The following ZNF831 variants were observed in gnomAD, a reference collection of about 807,000 sequenced individuals.
ZNF831 encodes the protein zinc finger protein 831.
A neutral mutation model predicts 95.8 loss-of-function variants in ZNF831; 59 were observed. The ratio of observed to expected loss-of-function variants is 0.62; its 90% CI spans 0.50 to 0.77. The LOEUF (loss-of-function observed/expected upper bound fraction) is 0.77, where lower values mean the gene tolerates loss of function less well. Ranked by LOEUF, ZNF831 falls within the 30% of genes least tolerant of loss-of-function variation. The pLI is 0.00. For missense variants in ZNF831, 2,205 were observed against 2,164.0 expected (o/e 1.02, Z -0.38); for synonymous variants, 961 against 925.5 (o/e 1.04, Z -0.70).
In ZNF831 at chr20:59,192,387, C is replaced by T. The variant is rs1408983326; in HGVS notation, c.1368C>T (p.Ile456=). The T allele has an allele frequency of 6.2e-7, 1 of 1,612,154 alleles. No individual in the cohort carries two copies. Among genetic ancestry groups the T allele is most frequent in the South Asian group, 1.1e-5 (1 of 90,922 alleles). ...ACAAGGACTCCTTCCACTTTGACAT[C>T]CGCGCGCTGGAGCCAGGCCGTAGGA... The part of the protein sequence containing the change: ...YTYKDSFHFD[I]RALEPGRRRA... Residue 456 remains isoleucine, a synonymous_variant, in exon 2 of 6, where the codon ATC becomes ATT. Coordinates refer to ENST00000371030, the MANE Select transcript of ZNF831 (RefSeq NM_178457.3). The surrounding 1 kb of genome is among the most constrained non-coding windows in gnomAD (Gnocchi z 5.2).
At chr20:59,249,640 C>G (rs1987787415) in intron 4 of ZNF831, among the ~76,000 whole-genome samples, 1 of 152,064 alleles carries the variant, frequency 6.6e-6, no homozygotes, top group Non-Finnish European at 1.5e-5. Flanking sequence ...ACGGGAGGGT[C>G]AAGAAAGATT....
chr20:59,213,823 G>C (rs1186009075), intron 4 of ZNF831, among the ~76,000 whole-genome samples: 2 of 152,146 alleles, frequency 1.3e-5, no homozygotes, highest in Admixed American at 1.3e-4. Context: ...GTCATCTTAT[G>C]TCACCTCCGT....
In ZNF831 at chr20:59,195,893, G is replaced by T; in HGVS notation, c.3763G>T (p.Val1255Leu). The T allele has an allele frequency of 6.2e-7, 1 of 1,614,186 alleles. No individual in the cohort carries two copies. Residue 1255 changes from valine (V) to leucine (L), a missense_variant, in exon 3 of 6, where the codon GTG becomes TTG. Transcript: ENST00000371030. ...GTTCTCCTACCCAACAGTCCCAGGG[G>T]TGATGCCCCAGCACCAGGTGTCTGA... ...SKFSYPTVPG[V>L]MPQHQVSEPE... is the part of the protein sequence containing the mutation.
rs746807929 is a variant in ZNF831 at position 59,254,312 on chromosome 20, G to A, written c.4603G>A (p.Glu1535Lys). 9.3e-6 allele frequency: 15 copies of A among 1,613,994 alleles called. No individual in the cohort carries two copies. The Admixed American group carries it at 2.2e-4, about 23-fold the overall frequency. ...AAGCTCCCCAGACAGCAAAGTCACAGAAGAGGGCAGAGCACAGACCCTCTT... is the reference window on the plus strand; with the variant it reads ...AAGCTCCCCAGACAGCAAAGTCACAAAAGAGGGCAGAGCACAGACCCTCTT... ...TSSSPDSKVT[E>K]EGRAQTLLPG... is the part of the protein sequence containing the mutation. The change falls in exon 6 of 6, where the codon GAA (glutamate) becomes AAA (lysine). Residue 1535 changes from glutamate (E) to lysine (K), a missense_variant. By Grantham distance (56) the Glu-to-Lys change is moderately conservative (BLOSUM62 1). Coordinates refer to ENST00000371030, the MANE Select transcript of ZNF831 (RefSeq NM_178457.3). The surrounding 1 kb of genome is among the most constrained non-coding windows in gnomAD (Gnocchi z 4.5).
intron 4 of ZNF831, among the ~76,000 whole-genome samples, chr20:59,223,532 C>A (rs1240736754): frequency 2.0e-5 from 3 of 152,270 alleles, no homozygotes; most frequent in Non-Finnish European, 4.4e-5. Flanking sequence ...CGGGAACGGG[C>A]CTCGGAGGAA....
At chr20:59,161,855 T>A (rs1365962790), upstream of ZNF831, among the ~76,000 whole-genome samples, 2 of 152,216 alleles carry the variant, frequency 1.3e-5, no homozygotes, top group African/African-American at 4.8e-5. Context: ...TCCACAGGGG[T>A]TGAACTAATT....
intron 4 of ZNF831, among the ~76,000 whole-genome samples, chr20:59,240,081 G>A (rs1987236094): frequency 6.6e-6 from 1 of 152,134 alleles, no homozygotes; most frequent in African/African-American, 2.4e-5. Flanking sequence ...CTTGGGGAAG[G>A]TTTGTGTATT....
intron 4 of ZNF831, among the ~76,000 whole-genome samples, chr20:59,228,991 C>T (rs1280928770): frequency 6.6e-6 from 1 of 152,134 alleles, no homozygotes; most frequent in African/African-American, 2.4e-5. Context: ...CTCTGTTAAC[C>T]ACCATTCTAC....
At chr20:59,175,246 G>T (rs549408325) in intron 1 of ZNF831, among the ~76,000 whole-genome samples, 1 of 151,150 alleles carries the variant, frequency 6.6e-6, no homozygotes, top group Non-Finnish European at 1.5e-5. Context: ...GGGGTGGGTG[G>T]TTCTCTCAGC....
At chr20:59,237,714 A>T (rs1015384265) in intron 4 of ZNF831, among the ~76,000 whole-genome samples, 21 of 152,074 alleles carry the variant, frequency 1.4e-4, no homozygotes, top group Non-Finnish European at 2.6e-4. Context: ...GATATTTGTG[A>T]GGTGCTCCCC....
chr20:59,226,499 G>A (rs1986440170), intron 4 of ZNF831, among the ~76,000 whole-genome samples: 3 of 151,866 alleles, frequency 2.0e-5, no homozygotes, highest in Admixed American at 2.0e-4. Context: ...AAGAGCCCAA[G>A]TTATATGTAA....
intron 3 of ZNF831, among the ~76,000 whole-genome samples, chr20:59,198,820 G>A (rs1414160318): frequency 6.6e-6 from 1 of 152,152 alleles, no homozygotes; most frequent in Non-Finnish European, 1.5e-5. Context: ...GTTAATTCCA[G>A]CTTCAAGGCC....
chr20:59,129,874 C>T (rs1406003796), intron 1 of ZNF831, among the ~76,000 whole-genome samples: 2 of 152,246 alleles, frequency 1.3e-5, no homozygotes, highest in Admixed American at 6.5e-5. Flanking sequence ...ATGCTCGTTC[C>T]TCCTTCTGGC....
Position 59,192,359 on chromosome 20 carries a change from C to T in ZNF831, c.1340C>T (p.Thr447Ile), listed in dbSNP as rs1178207579. Residue 447 changes from threonine (T) to isoleucine (I), a missense_variant, in exon 2 of 6, where the codon ACC becomes ATC. Physicochemically the swap from Thr to Ile is moderately conservative, Grantham distance 89 (BLOSUM62 -1). Transcript: ENST00000371030. The surrounding 1 kb of genome is among the most constrained non-coding windows in gnomAD (Gnocchi z 5.2). Reference sequence around the variant, plus strand: ...AGCATCGACCTGCCCACGCCCTACACCTACAAGGACTCCTTCCACTTTGAC... The same window carrying T: ...AGCATCGACCTGCCCACGCCCTACATCTACAAGGACTCCTTCCACTTTGAC... ...QGSIDLPTPY[T>I]YKDSFHFDIR... 1 of 1,611,388 alleles carries T rather than the reference C, an allele frequency of 6.2e-7. No homozygotes were observed. The highest frequency in any genetic ancestry group is 8.5e-7 in the Non-Finnish European group (1 of 1,179,138).
chr20:59,171,457 C>G (rs1311016740), intron 1 of ZNF831, among the ~76,000 whole-genome samples: 1 of 152,230 alleles, frequency 6.6e-6, no homozygotes, highest in African/African-American at 2.4e-5. Flanking sequence ...TTTCTTACAA[C>G]AGAATGGCTC....
rs199500498 is a variant in ZNF831, at chr20:59,191,690, C to T, written c.671C>T (p.Pro224Leu). The T allele has an allele frequency of 1.9e-6, 3 of 1,562,882 alleles. No individual in the cohort carries two copies. Among genetic ancestry groups the T allele is most frequent in the Non-Finnish European group, 2.6e-6 (3 of 1,154,070 alleles). ...GAAGGGGACAAGGCCGGAGAGCCCCCCAGACCAGAGGGCAGGGGCGAGAGC... is the reference window on the plus strand; with the variant it reads ...GAAGGGGACAAGGCCGGAGAGCCCCTCAGACCAGAGGGCAGGGGCGAGAGC... ...LEEGDKAGEP[P>L]RPEGRGESRC... is the part of the protein sequence containing the mutation. The change falls in exon 2 of 6, where the codon CCC (proline) becomes CTC (leucine). Residue 224 changes from proline to leucine, a missense_variant. Pro to Leu is a moderately conservative substitution (Grantham distance 98). Coordinates refer to ENST00000371030, the MANE Select transcript of ZNF831 (RefSeq NM_178457.3).
intron 2 of ZNF831, 126 bp from the exon 3 acceptor site, chr20:59,195,743 G>A (rs910739799): frequency 6.7e-7 from 1 of 1,492,984 alleles, no homozygotes; most frequent in Non-Finnish European, 8.9e-7. Context: ...AGCCCGTTTA[G>A]CAATGCAGTA....
chr20:59,222,691 G>A (rs1321201289), intron 4 of ZNF831, among the ~76,000 whole-genome samples: 2 of 152,166 alleles, frequency 1.3e-5, no homozygotes, highest in Non-Finnish European at 2.9e-5. Context: ...GCCCCCTAGC[G>A]CCCATCGCGG....
intron 1 of ZNF831, among the ~76,000 whole-genome samples, chr20:59,188,998 T>C (rs955066187): frequency 6.6e-6 from 1 of 152,048 alleles, no homozygotes; most frequent in Non-Finnish European, 1.5e-5. Context: ...CTGGTCAACA[T>C]GGTGAAACCT....
Sources: gnomAD v4.1 joint callset for allele counts (sites outside exome capture counted in the v4.1 genomes callset) on GRCh38, gnomAD v4.1.1 for gene constraint, Gnocchi (gnomAD v3.1) non-coding constraint, MANE v1.5 for transcripts, NCBI Gene and HGNC (gene_info 2026-07-23, HGNC 2026-07-21) for gene names.